FRMD4B: variants seen among roughly 807,000 people sequenced by gnomAD.
FRMD4B encodes FERM domain containing 4B, also known as FERM domain-containing protein 4B.
A neutral mutation model predicts 141.5 loss-of-function variants in FRMD4B; 74 were observed. The observed-to-expected ratio is 0.52, with a 90% CI of 0.43 to 0.63. The LOEUF (loss-of-function observed/expected upper bound fraction) is 0.63, where lower values mean the gene tolerates loss of function less well. FRMD4B is among the 30% of genes least tolerant of loss of function. The pLI, the probability that FRMD4B is intolerant of heterozygous loss-of-function variation, is 0.00. For missense variants in FRMD4B, 1,366 were observed against 1,253.4 expected (o/e 1.09, Z -1.36); for synonymous variants, 506 against 467.9 (o/e 1.08, Z -1.05).
At chr3:69,381,660 T>C (rs959532391) in intron 1 of FRMD4B, among the ~76,000 whole-genome samples, 4 of 152,216 alleles carry the variant, frequency 2.6e-5, no homozygotes, top group African/African-American at 9.7e-5. Flanking sequence ...AATTATGGGA[T>C]AGCAAAGGGG....
At chr3:69,496,492 A>T (rs1706390137) in intron 1 of FRMD4B, among the ~76,000 whole-genome samples, 1 of 152,098 alleles carries the variant, frequency 6.6e-6, no homozygotes, top group African/African-American at 2.4e-5. Context: ...CAGCAGACAC[A>T]TGCTCTTTTT....
At chr3:69,179,058 T>C (rs774322348) in intron 21 of FRMD4B, among the ~76,000 whole-genome samples, 17 of 152,058 alleles carry the variant, frequency 1.1e-4, no homozygotes, top group Non-Finnish European at 2.5e-4. Flanking sequence ...TTGTAATACA[T>C]TTCTGCAGTT....
chr3:69,205,147 C>T (rs1232470715), intron 11 of FRMD4B, among the ~76,000 whole-genome samples: 1 of 148,494 alleles, frequency 6.7e-6, no homozygotes, highest in East Asian at 2.0e-4. Flanking sequence ...CAGCCATTTG[C>T]GGGATAGGAC....
At chr3:69,222,905 T>C (rs951301178) in intron 8 of FRMD4B, among the ~76,000 whole-genome samples, 3 of 152,250 alleles carry the variant, frequency 2.0e-5, no homozygotes, top group African/African-American at 4.8e-5. Context: ...TAGAACATTA[T>C]TGAAGAAATT....
In FRMD4B at chr3:69,481,926, A is replaced by C. The variant is rs189097788; in HGVS notation, c.-128-49165T>G. Among the ~76,000 whole-genome samples, 267 of 152,330 alleles carry C rather than the reference A, an allele frequency of 1.8e-3. 1 individual carries two copies. The highest frequency in any genetic ancestry group is 6.3e-3 in the African/African-American group (260 of 41,570). On this transcript the variant is annotated intron_variant, in intron 1 of 5. Transcript: ENST00000459638. Reference sequence around the variant, plus strand: ...TAACAGAGCCATTCTCAAAAGAAGGAGACACAGGTAGAGCCAAGCAGAAAA... The same window carrying C: ...TAACAGAGCCATTCTCAAAAGAAGGCGACACAGGTAGAGCCAAGCAGAAAA...
intron 6 of FRMD4B, among the ~76,000 whole-genome samples, 161 bp downstream of exon 6, chr3:69,249,882 C>G (rs2093450054): frequency 1.3e-5 from 2 of 152,128 alleles, no homozygotes; most frequent in Admixed American, 6.6e-5. Flanking sequence ...GCAAACTATT[C>G]TAAAGCAGAA....
chr3:69,187,374 C>T lies in FRMD4B; in HGVS notation c.1919+396G>A, dbSNP rs1287930148. Among the ~76,000 whole-genome samples the T allele has an allele frequency of 2.0e-5, 3 of 151,274 alleles. No homozygotes were observed. The South Asian group carries it at 6.3e-4, about 32-fold the overall frequency. On this transcript the variant is annotated intron_variant, in intron 19 of 22. Coordinates refer to ENST00000398540, the MANE Select transcript of FRMD4B (RefSeq NM_015123.3). ...CACCCGGACCAACATGGAGAAACCCCGTCTCTCCTAAAAATACAAAATTAG... is the reference window on the plus strand; with the variant it reads ...CACCCGGACCAACATGGAGAAACCCTGTCTCTCCTAAAAATACAAAATTAG...
chr3:69,286,240 G>C (rs150932740), intron 5 of FRMD4B, among the ~76,000 whole-genome samples: 2 of 152,298 alleles, frequency 1.3e-5, no homozygotes, highest in Admixed American at 1.3e-4. Context: ...AACTCCATGG[G>C]TAAATATGTA....
chr3:69,181,615 A>G lies in FRMD4B; in HGVS notation c.2135T>C (p.Phe712Ser), dbSNP rs2092709437. The change falls in exon 21 of 23, where the codon TTC becomes TCC. Residue 712 changes from phenylalanine to serine, a missense_variant. Physicochemically the swap from Phe to Ser is radical, Grantham distance 155. Transcript: ENST00000398540. ...LSEMDSDKPFFSLSKSQRSSS... is the reference protein window; with the variant it reads ...LSEMDSDKPFSSLSKSQRSSS... ...GCTTCTTTGGGATTTGGAGAGGGAG[A>G]AAAATGGCTTATCGCTGTCCATCTC... 2 of 1,613,220 alleles carry G rather than the reference A, an allele frequency of 1.2e-6. No homozygotes were observed. The highest frequency in any genetic ancestry group is 3.3e-5 in the Admixed American group (2 of 59,966).
At chr3:69,391,081 G>A (rs544986101), upstream of FRMD4B, among the ~76,000 whole-genome samples, 3 of 151,792 alleles carry the variant, frequency 2.0e-5, no homozygotes, top group South Asian at 6.2e-4. Context: ...CGAATATAAT[G>A]AACTCAAAGT....
upstream of FRMD4B, among the ~76,000 whole-genome samples, chr3:69,390,076 CATT>C (rs1411187290): frequency 6.6e-6 from 1 of 152,106 alleles, no homozygotes; most frequent in African/African-American, 2.4e-5. Context: ...GAGAAATTGT[CATT>C]ATGCCTGAGG....
intron 1 of FRMD4B, among the ~76,000 whole-genome samples, chr3:69,373,420 A>G (rs1703883026): frequency 6.6e-6 from 1 of 152,236 alleles, no homozygotes; most frequent in Admixed American, 6.5e-5. Context: ...CTAAGCTCCA[A>G]TCTTTGCTCA....
chr3:69,265,272 ATATATATATATATATATATATATAT>A lies in FRMD4B; in HGVS notation c.502-15198_502-15174del, dbSNP rs2093555078. Among the ~76,000 whole-genome samples, 2 of 16,194 alleles carry A rather than the reference ATATATATATATATATATATATATAT, an allele frequency of 1.2e-4. 1 individual carries two copies. Among genetic ancestry groups the A allele is most frequent in the African/African-American group, 5.2e-4 (2 of 3,844 alleles). 10.6% of individuals were successfully genotyped at this position (16,194 alleles called of 152,430 possible). A position where few individuals can be genotyped will look rare whatever the true frequency, so the allele number is the denominator to read the frequency against. On this transcript the variant is annotated intron_variant, in intron 5 of 22. Coordinates refer to ENST00000398540, the MANE Select transcript of FRMD4B (RefSeq NM_015123.3). ...TCCATCTCAAAAAAAAAAAAAAAAT[ATATATATATATATATATATATATAT>A]ATATATATATATATATATGCAGATA... is the stretch of plus-strand genomic sequence containing the variant.
chr3:69,514,686 TTAAATAAA>T lies in FRMD4B; in HGVS notation c.-129+27512_-129+27519del, dbSNP rs58643773. Among the ~76,000 whole-genome samples, 268 of 143,140 alleles carry T rather than the reference TTAAATAAA, an allele frequency of 1.9e-3. 2 individuals are homozygous for T. Among genetic ancestry groups the T allele is most frequent in the Middle Eastern group, 7.0e-3 (2 of 286 alleles). The allele number at this position is 143,140 out of a possible 152,430, so 93.9% of individuals were successfully genotyped here. ...TTGGGTGACAGAGCAAGACTCCATC[TTAAATAAA>T]TAAATAAATAAATAAATAAATAAAT... On this transcript the variant is annotated intron_variant, in intron 1 of 5. Transcript: ENST00000459638.
chr3:69,456,575 T>C (rs774697773), intron 1 of FRMD4B, among the ~76,000 whole-genome samples: 15 of 152,288 alleles, frequency 9.8e-5, no homozygotes, highest in Admixed American at 2.6e-4. Context: ...GCACTTACTA[T>C]GTTAATCGTG....
intron 1 of FRMD4B, among the ~76,000 whole-genome samples, chr3:69,511,372 G>C (rs1011254400): frequency 1.3e-5 from 2 of 152,180 alleles, no homozygotes; most frequent in African/African-American, 4.8e-5. Flanking sequence ...GCTAGGCCCT[G>C]AGGATACCTA....
intron 1 of FRMD4B, among the ~76,000 whole-genome samples, chr3:69,492,589 T>A (rs987526407): frequency 6.6e-6 from 1 of 152,220 alleles, no homozygotes; most frequent in Non-Finnish European, 1.5e-5. Flanking sequence ...GCTATGTGCA[T>A]AAATTCATAG....
In FRMD4B at chr3:69,250,105, G is replaced by A. The variant is rs1256985069; in HGVS notation, c.502-6C>T. 6.3e-7 allele frequency: 1 copy of A among 1,598,096 alleles called. No individual in the cohort carries two copies. Among genetic ancestry groups the A allele is most frequent in the Admixed American group, 1.7e-5 (1 of 60,008 alleles). ...CTCTCTACTTCGATTTGCCCCTGTTGATGGAAAAGGAAAGCATCATTGAAC... is the reference window on the plus strand; with the variant it reads ...CTCTCTACTTCGATTTGCCCCTGTTAATGGAAAAGGAAAGCATCATTGAAC... On this transcript the variant is annotated splice_region_variant and splice_polypyrimidine_tract_variant and intron_variant, in intron 5 of 22. Coordinates refer to ENST00000398540, the MANE Select transcript of FRMD4B (RefSeq NM_015123.3).
Position 69,454,673 on chromosome 3 carries a change from G to A in FRMD4B, c.-128-21912C>T, listed in dbSNP as rs562806677. ...CTGGCCAGGCCTCAGCCACCTCCCC[G>A]AGGGGCAGGGCTTGGGACTGCAGCC... On this transcript the variant is annotated intron_variant, in intron 1 of 5. Transcript: ENST00000459638. Among the ~76,000 whole-genome samples the A allele has an allele frequency of 5.3e-5, 8 of 152,300 alleles. No homozygotes were observed. In the South Asian group the frequency reaches 6.2e-4, roughly 12 times the overall value.
Sources: allele counts gnomAD v4.1 joint callset (sites outside exome capture counted in the v4.1 genomes callset), GRCh38; gene constraint gnomAD v4.1.1; transcripts MANE v1.5; gene names NCBI Gene and HGNC (gene_info 2026-07-23, HGNC 2026-07-21).